The following SEMA3A variants were observed in gnomAD, a reference collection of about 807,000 sequenced individuals.
The protein encoded by SEMA3A is semaphorin-3A.
SEMA3A carries 29 observed loss-of-function variants against 97.9 expected under a neutral mutation model. The observed-to-expected ratio is 0.30, with a 90% CI of 0.22 to 0.40. The LOEUF is 0.40. SEMA3A is among the 10% of genes least tolerant of loss of function. The pLI, the probability that SEMA3A is intolerant of heterozygous loss-of-function variation, is 1.00. For synonymous variants in SEMA3A, 321 were observed against 323.7 expected, an observed-to-expected ratio of 0.99 and a Z score of 0.09; for missense variants, 763 against 951.3, an observed-to-expected ratio of 0.80 and a Z score of 2.60.
chr7:83,969,356 C>CA (rs5885387), intron 15 of SEMA3A, among the ~76,000 whole-genome samples: 46,879 of 151,760 alleles, frequency 0.31, 8,188 homozygotes, highest in African/African-American at 0.47. Context: ...TCTATATTGC[C>CA]AAAAAAAATC....
intron 1 of SEMA3A, among the ~76,000 whole-genome samples, chr7:84,417,104 A>T (rs1299511096): frequency 6.6e-6 from 1 of 152,090 alleles, no homozygotes; most frequent in African/African-American, 2.4e-5. Flanking sequence ...CATTTACAAT[A>T]AATACTTAAT....
At chr7:84,392,302 T>C (rs1434634041) in intron 1 of SEMA3A, among the ~76,000 whole-genome samples, 3 of 152,182 alleles carry the variant, frequency 2.0e-5, no homozygotes, top group Admixed American at 6.5e-5. Context: ...ATTCCACATA[T>C]AAGTGAGAAA....
intron 5 of SEMA3A, among the ~76,000 whole-genome samples, chr7:84,054,200 C>G: frequency 6.6e-6 from 1 of 152,248 alleles, no homozygotes; most frequent in Non-Finnish European, 1.5e-5. Context: ...CTTGGAGTTG[C>G]TCTTCTCGAG....
At chr7:84,218,979 A>C (rs1459896000) in intron 3 of SEMA3A, among the ~76,000 whole-genome samples, 1 of 152,126 alleles carries the variant, frequency 6.6e-6, no homozygotes, top group Non-Finnish European at 1.5e-5. Flanking sequence ...TTTACAAAGG[A>C]AATATTTCAA....
chr7:84,450,984 C>T (rs937949449), intron 1 of SEMA3A, among the ~76,000 whole-genome samples: 2 of 152,068 alleles, frequency 1.3e-5, no homozygotes, highest in Admixed American at 6.6e-5. Context: ...TAATTGTTTG[C>T]TTTGCTTTGT....
rs57894372 is a variant in SEMA3A, at chr7:83,965,868, G to A, written c.1718-2521C>T. On this transcript the variant is annotated intron_variant, in intron 15 of 16. Coordinates refer to ENST00000265362, the MANE Select transcript of SEMA3A (RefSeq NM_006080.3). ...GCTAGTTTTTCGTATTTTAATAGAG[G>A]CAGGGTTTCAACGTGTTAGCCAGGA... is the stretch of plus-strand genomic sequence containing the variant. 3.0e-3 allele frequency among the ~76,000 whole-genome samples: 442 copies of A among 148,564 alleles called. 4 individuals carry two copies. The highest frequency in any genetic ancestry group is 0.011 in the African/African-American group (425 of 40,348).
intron 1 of SEMA3A, among the ~76,000 whole-genome samples, chr7:84,457,524 CT>C (rs1475850694): frequency 6.6e-6 from 1 of 151,808 alleles, no homozygotes; most frequent in East Asian, 1.9e-4. Flanking sequence ...ATTTAAAGAA[CT>C]TTTAATTGAA....
chr7:84,065,493 A>G (rs941643864), intron 4 of SEMA3A, among the ~76,000 whole-genome samples: 3 of 151,128 alleles, frequency 2.0e-5, no homozygotes, highest in African/African-American at 7.4e-5. Context: ...TGGTTTTTTG[A>G]AAGGATCAAC....
intron 1 of SEMA3A, among the ~76,000 whole-genome samples, chr7:84,466,463 G>A (rs752678968): frequency 6.6e-5 from 10 of 152,036 alleles, no homozygotes; most frequent in Non-Finnish European, 1.3e-4. Flanking sequence ...GTGAGCCGCC[G>A]CACCCAGCCT....
intron 6 of SEMA3A, among the ~76,000 whole-genome samples, chr7:84,027,014 A>T (rs927999206): frequency 6.6e-6 from 1 of 152,188 alleles, no homozygotes; most frequent in African/African-American, 2.4e-5. Context: ...TTAAAAAAAA[A>T]ACTGCAAGCA....
intron 1 of SEMA3A, among the ~76,000 whole-genome samples, chr7:84,426,314 AGATAG>A (rs1270608722): frequency 2.7e-5 from 4 of 150,466 alleles, no homozygotes; most frequent in Non-Finnish European, 5.9e-5. Flanking sequence ...ATAGATAGAT[AGATAG>A]ACAGACAAAT....
At chr7:84,254,500 C>T (rs1168823525) in intron 3 of SEMA3A, among the ~76,000 whole-genome samples, 4 of 151,932 alleles carry the variant, frequency 2.6e-5, no homozygotes, top group Admixed American at 6.6e-5. Flanking sequence ...AGTTGATCTG[C>T]GGTGGCTTAG....
chr7:84,345,990 T>C (rs1355553462), intron 2 of SEMA3A, among the ~76,000 whole-genome samples: 1 of 152,236 alleles, frequency 6.6e-6, no homozygotes, highest in Non-Finnish European at 1.5e-5. Flanking sequence ...ATTGAAAATC[T>C]GTTGTTTAGT....
chr7:84,150,955 G>A (rs1447316532), intron 1 of SEMA3A, among the ~76,000 whole-genome samples: 1 of 150,274 alleles, frequency 6.7e-6, no homozygotes, highest in African/African-American at 2.4e-5. Flanking sequence ...CAGCCTAACT[G>A]GGAGGCACCC....
chr7:83,958,149 G>A lies in SEMA3A; in HGVS notation c.*3222C>T, dbSNP rs995725323. 1 of 151,920 alleles carries A rather than the reference G, an allele frequency of 6.6e-6. No individual in the cohort carries two copies. Among genetic ancestry groups the A allele is most frequent in the Non-Finnish European group, 1.5e-5 (1 of 67,898 alleles). The allele number at this position is 151,920 out of a possible 1,614,324, so 9.4% of individuals were successfully genotyped here. A position where few individuals can be genotyped will look rare whatever the true frequency, so the allele number is the denominator to read the frequency against. ...TCCTTTTTAGGTATGACATTAAAAA[G>A]AACAATACTTAATTTAAAGGGCATA... On this transcript the variant is annotated 3_prime_UTR_variant, in exon 17 of 17. Transcript: ENST00000265362.
chr7:84,455,763 G>A (rs1365355565), intron 1 of SEMA3A, among the ~76,000 whole-genome samples: 2 of 151,894 alleles, frequency 1.3e-5, no homozygotes, highest in Admixed American at 6.6e-5. Flanking sequence ...CACTTTAAAA[G>A]TTACAAATGT....
chr7:84,187,416 A>T (rs560845044), intron 1 of SEMA3A, among the ~76,000 whole-genome samples: 16 of 152,312 alleles, frequency 1.1e-4, no homozygotes, highest in African/African-American at 3.8e-4. Context: ...AAGGAATGCA[A>T]TAATTCCTCA....
intron 6 of SEMA3A, among the ~76,000 whole-genome samples, chr7:84,023,445 G>A (rs1466009301): frequency 6.6e-6 from 1 of 152,064 alleles, no homozygotes; most frequent in Non-Finnish European, 1.5e-5. Context: ...TTTAAAAGTT[G>A]GGATACATAT....
At chr7:84,295,763 T>C (rs942635709) in intron 3 of SEMA3A, among the ~76,000 whole-genome samples, 2 of 152,124 alleles carry the variant, frequency 1.3e-5, no homozygotes, top group Non-Finnish European at 2.9e-5. Context: ...GTACCTCTTC[T>C]TGGTGGCATT....
Sources: gnomAD v4.1 joint callset for allele counts (sites outside exome capture counted in the v4.1 genomes callset) on GRCh38, gnomAD v4.1.1 for gene constraint, MANE v1.5 for transcripts, NCBI Gene and HGNC (gene_info 2026-07-23, HGNC 2026-07-21) for gene names.